Variants in NEURL1 observed in about 807,000 individuals in gnomAD.
NEURL1 encodes the protein E3 ubiquitin-protein ligase NEURL1.
Under a neutral mutation model 41.2 loss-of-function variants are expected in NEURL1, and 26 were observed. The observed-to-expected ratio is 0.63, with a 90% CI of 0.46 to 0.87. The LOEUF (loss-of-function observed/expected upper bound fraction) is 0.87. Among genes scored for constraint, NEURL1 ranks in the 40% least tolerant of loss-of-function variants. The pLI, the probability that NEURL1 is intolerant of heterozygous loss-of-function variation, is 0.00. For missense variants in NEURL1, 761 were observed against 871.1 expected (o/e 0.87, Z 1.59); for synonymous variants, 400 against 402.3 (o/e 0.99, Z 0.07).
At chr10:103,533,631 G>A (rs563995896) in intron 1 of NEURL1, among the ~76,000 whole-genome samples, 16 of 152,180 alleles carry the variant, frequency 1.1e-4, no homozygotes, top group African/African-American at 3.9e-4. Context: ...CTGCCTCCTG[G>A]GTTCACACCA....
In NEURL1 at chr10:103,590,154, G is replaced by T. The variant is rs2036008133; in HGVS notation, c.1507G>T (p.Val503Leu). The change falls in exon 6 of 6, where the codon GTG (valine) becomes TTG (leucine). Residue 503 changes from valine (V) to leucine (L), a missense_variant. By Grantham distance (32) the Val-to-Leu change is conservative. This residue lies in a region of NEURL1 where 443 missense variants were observed against 408.1 expected (regional missense o/e 1.09). Coordinates refer to ENST00000369780, the MANE Select transcript of NEURL1 (RefSeq NM_004210.5). ...CTCAGGGACAGCCCCCAATTCGCCA[G>T]TGAGCCTGCCCGAGTCGCCAGTGAC... is the stretch of plus-strand genomic sequence containing the variant. Reference protein sequence around the residue: ...SAGGTAPNSPVSLPESPVTPG... With the variant: ...SAGGTAPNSPLSLPESPVTPG... 1.2e-6 allele frequency: 2 copies of T among 1,613,950 alleles called. No homozygotes were observed. The highest frequency in any genetic ancestry group is 1.3e-5 in the African/African-American group (1 of 74,936).
intron 3 of NEURL1, 144 bp from the exon 4 acceptor site, chr10:103,584,392 G>T: frequency 4.2e-6 from 2 of 475,192 alleles, no homozygotes; most frequent in Non-Finnish European, 6.9e-6. Flanking sequence ...TCTTGACTGT[G>T]TTCGCTAATT....
chr10:103,575,014 G>A (rs929586324), intron 3 of NEURL1, among the ~76,000 whole-genome samples: 3 of 149,616 alleles, frequency 2.0e-5, no homozygotes, highest in African/African-American at 7.4e-5. Flanking sequence ...GGTAAAGAGA[G>A]AGAGGGAGAC....
chr10:103,501,378 G>A (rs2033818900), intron 1 of NEURL1, among the ~76,000 whole-genome samples: 1 of 152,092 alleles, frequency 6.6e-6, no homozygotes, highest in Non-Finnish European at 1.5e-5. Flanking sequence ...CACGCTGAAA[G>A]GGCTGGGCGT....
chr10:103,503,857 C>T (rs1160467732), intron 1 of NEURL1, among the ~76,000 whole-genome samples: 4 of 133,620 alleles, frequency 3.0e-5, no homozygotes, highest in Non-Finnish European at 4.6e-5. Context: ...GTGGCGTGAT[C>T]ACAGCTCACT....
intron 1 of NEURL1, chr10:103,512,083 T>C (rs1214668052): frequency 6.6e-6 from 1 of 152,236 alleles, no homozygotes; most frequent in Admixed American, 6.5e-5. Flanking sequence ...GGGTGCTCTT[T>C]AGGTGTCAGG....
intron 1 of NEURL1, among the ~76,000 whole-genome samples, chr10:103,528,181 C>T (rs1408398099): frequency 1.3e-5 from 2 of 152,114 alleles, no homozygotes; most frequent in African/African-American, 4.8e-5. Flanking sequence ...CCTGGTGAAA[C>T]CCCATCTCTA....
chr10:103,543,356 C>T (rs961537299), intron 1 of NEURL1, among the ~76,000 whole-genome samples: 1 of 152,206 alleles, frequency 6.6e-6, no homozygotes, highest in African/African-American at 2.4e-5. Context: ...AAGGAGGGCC[C>T]CCACTGGTGC....
chr10:103,547,807 TCATAATC>T (rs2034953737), intron 1 of NEURL1, among the ~76,000 whole-genome samples: 1 of 151,814 alleles, frequency 6.6e-6, no homozygotes. Flanking sequence ...CCAGCTTTTC[TCATAATC>T]CAGGCAGGCC....
chr10:103,568,683 T>TA (rs1010359296), intron 1 of NEURL1, among the ~76,000 whole-genome samples: 1 of 151,702 alleles, frequency 6.6e-6, no homozygotes, highest in South Asian at 2.1e-4. Context: ...AACCACCATT[T>TA]AAAAAAAAAG....
rs377760113 is a variant in NEURL1, at chr10:103,590,074, C to T, written c.1487-60C>T. The T allele has an allele frequency of 2.7e-5, 41 of 1,534,034 alleles. No homozygotes were observed. The East Asian group carries it at 6.1e-4, about 23-fold the overall frequency. On this transcript the variant is annotated intron_variant, in intron 5 of 5. Coordinates refer to ENST00000369780, the MANE Select transcript of NEURL1 (RefSeq NM_004210.5). ...ACAAGAGGCCGGGGAGCTCTCTTCC[C>T]GTGAATCCAGCGCCGGGTTGGGCCA...
intron 1 of NEURL1, among the ~76,000 whole-genome samples, chr10:103,498,304 T>A (rs953567597): frequency 1.3e-5 from 2 of 152,230 alleles, no homozygotes; most frequent in Non-Finnish European, 2.9e-5. Flanking sequence ...CTCGGCTCAC[T>A]GCAAGCTCCG....
intron 1 of NEURL1, chr10:103,555,261 A>C (rs2035123641): frequency 9.3e-7 from 1 of 1,079,572 alleles, no homozygotes; most frequent in Non-Finnish European, 1.2e-6. Flanking sequence ...CGGCCCTGCC[A>C]TGCCGGTCTC....
At chr10:103,507,455 G>A (rs912609298) in intron 1 of NEURL1, among the ~76,000 whole-genome samples, 4 of 152,104 alleles carry the variant, frequency 2.6e-5, no homozygotes, top group African/African-American at 9.7e-5. Flanking sequence ...TTGGGCAGGC[G>A]AGCAGATTGA....
intron 1 of NEURL1, among the ~76,000 whole-genome samples, chr10:103,550,110 T>C (rs982201239): frequency 6.6e-5 from 10 of 152,220 alleles, no homozygotes; most frequent in Non-Finnish European, 1.3e-4. Flanking sequence ...GGCTCTGCCT[T>C]AGACTTTGAG....
chr10:103,555,545 T>C (rs1262121394), intron 1 of NEURL1: 8 of 671,266 alleles, frequency 1.2e-5, no homozygotes, highest in South Asian at 1.1e-4. Context: ...GGTCTGGGGC[T>C]GTGTGGGGGC....
Position 103,589,828 on chromosome 10 carries a change from G to A in NEURL1, c.1486+168G>A, listed in dbSNP as rs149868709. On this transcript the variant is annotated intron_variant, in intron 5 of 5. Coordinates refer to ENST00000369780, the MANE Select transcript of NEURL1 (RefSeq NM_004210.5). ...CCCTCCTGTCCCCTAGCTGGGCAGTGCCAAAGGGTAGCTCAGGAGGGACCT... is the reference window on the plus strand; with the variant it reads ...CCCTCCTGTCCCCTAGCTGGGCAGTACCAAAGGGTAGCTCAGGAGGGACCT... Among the ~76,000 whole-genome samples, 187 of 152,326 alleles carry A rather than the reference G, an allele frequency of 1.2e-3. 1 individual carries two copies. Among genetic ancestry groups the A allele is most frequent in the African/African-American group, 3.9e-3 (164 of 41,554 alleles).
In NEURL1 at chr10:103,585,062, C is replaced by G. The variant is rs780849614; in HGVS notation, c.1176C>G (p.Pro392=). 9 of 1,590,784 alleles carry G rather than the reference C, an allele frequency of 5.7e-6. No individual in the cohort carries two copies. Among genetic ancestry groups the G allele is most frequent in the Non-Finnish European group, 6.8e-6 (8 of 1,176,646 alleles). Residue 392 remains proline (P), a synonymous_variant, in exon 4 of 6, where the codon CCC becomes CCG. Coordinates refer to ENST00000369780, the MANE Select transcript of NEURL1 (RefSeq NM_004210.5). ...GGGCCGTGTGCCGCGTGCCCGGGCCCCTGCACAGCGGCGACATCCTGGGCC... is the reference window on the plus strand; with the variant it reads ...GGGCCGTGTGCCGCGTGCCCGGGCCGCTGCACAGCGGCGACATCCTGGGCC... ...EFWAVCRVPG[P]LHSGDILGLV... is the part of the protein sequence containing the mutation.
At chr10:103,533,149 C>A (rs1053086123) in intron 1 of NEURL1, among the ~76,000 whole-genome samples, 106 of 151,518 alleles carry the variant, frequency 7.0e-4, no homozygotes, top group African/African-American at 2.3e-3. Flanking sequence ...GGATGGTGTC[C>A]ATCTCCTGAC....
Sources: allele counts gnomAD v4.1 joint callset (sites outside exome capture counted in the v4.1 genomes callset), GRCh38; gene constraint gnomAD v4.1.1; regional missense constraint gnomAD v4.1.1; transcripts MANE v1.5; gene names NCBI Gene and HGNC (gene_info 2026-07-23, HGNC 2026-07-21).